CFAP47: variants seen among roughly 807,000 people sequenced by gnomAD.
CFAP47 encodes the protein cilia and flagella associated protein 47, also known as cilia- and flagella-associated protein 47.
CFAP47 carries 29 observed loss-of-function variants against 148.1 expected under a neutral mutation model. The ratio of observed to expected loss-of-function variants is 0.20; its 90% CI spans 0.15 to 0.27. The LOEUF (loss-of-function observed/expected upper bound fraction) is 0.27. Among genes scored for constraint, CFAP47 ranks in the 10% least tolerant of loss-of-function variants. The probability of loss-of-function intolerance (pLI) is 1.00; values close to 1 mark genes in which losing one functional copy is unlikely to be tolerated. For missense variants in CFAP47, 1,872 were observed against 1,697.5 expected (o/e 1.10, Z -1.81); for synonymous variants, 664 against 577.3 (o/e 1.15, Z -2.15).
chrX:35,958,546 G>A (rs1206611451), intron 8 of CFAP47, among the ~76,000 whole-genome samples: 2 of 111,603 alleles, frequency 1.8e-5, no homozygotes, highest in Admixed American at 1.9e-4. Context: ...ACTTGTTAAT[G>A]TACTTCTTTT....
At chrX:36,168,286 A>G (rs1939517928) in intron 39 of CFAP47, among the ~76,000 whole-genome samples, 1 of 111,733 alleles carries the variant, frequency 8.9e-6, no homozygotes, top group South Asian at 3.7e-4. Flanking sequence ...GTTTTTTAAT[A>G]GTTATTTTGT....
At chrX:36,231,196 T>C (rs1371726879) in intron 46 of CFAP47, among the ~76,000 whole-genome samples, 1 of 111,388 alleles carries the variant, frequency 9.0e-6, no homozygotes, top group Non-Finnish European at 1.9e-5. Context: ...TATAAATTAC[T>C]TTGGGCAGTA....
rs908883401 is a variant in CFAP47 at position 35,991,827 on chromosome X, C to T, written c.2851C>T (p.Arg951Cys). ...LKLKCVAHLG[R>C]TKVLLLQPRI... ...TTCCTCCTCTCGTTATTAGCTTGGTCGCACCAAGGTTTTACTTTTGCAGCC... is the reference window on the plus strand; with the variant it reads ...TTCCTCCTCTCGTTATTAGCTTGGTTGCACCAAGGTTTTACTTTTGCAGCC... Residue 951 changes from arginine to cysteine, a missense_variant, in exon 17 of 64, where the codon CGC becomes TGC. Coordinates refer to ENST00000378653, the MANE Select transcript of CFAP47 (RefSeq NM_001304548.2). 35 of 293,856 alleles carry T rather than the reference C, an allele frequency of 1.2e-4. No homozygotes were observed. The highest frequency in any genetic ancestry group is 8.3e-4 in the African/African-American group (30 of 36,294). The allele number at this position is 293,856 out of a possible 1,213,427, so 24.2% of individuals were successfully genotyped here. A position where few individuals can be genotyped will look rare whatever the true frequency, so the allele number is the denominator to read the frequency against.
chrX:36,093,809 A>G (rs1195442178), intron 30 of CFAP47, among the ~76,000 whole-genome samples: 1 of 111,379 alleles, frequency 9.0e-6, no homozygotes, highest in Admixed American at 9.6e-5. Flanking sequence ...ACAGATGGGT[A>G]GTATGCAAAT....
chrX:36,309,168 G>C (rs1193282068), intron 55 of CFAP47, among the ~76,000 whole-genome samples: 2 of 110,626 alleles, frequency 1.8e-5, no homozygotes, highest in Admixed American at 9.7e-5. Flanking sequence ...TTTTCAGATA[G>C]GTGCCTTGTT....
chrX:36,095,555 T>C (rs779235364), intron 30 of CFAP47, among the ~76,000 whole-genome samples: 1 of 111,197 alleles, frequency 9.0e-6, no homozygotes, highest in East Asian at 2.8e-4. Flanking sequence ...GTTGTGGTCT[T>C]GTTATTTGTT....
chrX:35,989,376 G>A lies in CFAP47; in HGVS notation c.2771G>A (p.Ser924Asn). The change falls in exon 16 of 64, where the codon AGT becomes AAT. Residue 924 changes from serine to asparagine, a missense_variant. Transcript: ENST00000378653. ...ECEVTWQQGF[S>N]SPEEGEFILH... ...GAAGTAACTTGGCAGCAGGGCTTCA[G>A]TTCTCCAGAAGAAGGAGAATTTATT... 8.3e-7 allele frequency: 1 copy of A among 1,210,659 alleles called. No homozygotes were observed. The highest frequency in any genetic ancestry group is 3.0e-5 in the East Asian group (1 of 33,809).
chrX:36,046,747 TTTC>T (rs1294641149), intron 25 of CFAP47, 104 bp from the exon 26 acceptor site: 39 of 482,061 alleles, frequency 8.1e-5, no homozygotes, highest in Admixed American at 1.3e-4. Context: ...ATTACAAATA[TTTC>T]TTATTTTAAT....
chrX:36,078,632 C>T (rs1937913232), intron 29 of CFAP47, among the ~76,000 whole-genome samples: 2 of 111,106 alleles, frequency 1.8e-5, no homozygotes, highest in African/African-American at 6.6e-5. Context: ...GAATACAGCA[C>T]ACTGATGGGT....
rs1164590107 is a variant in CFAP47, at chrX:36,043,889, C to T, written c.4008-2965C>T. Among the ~76,000 whole-genome samples, 8 of 112,935 alleles carry T rather than the reference C, an allele frequency of 7.1e-5. No homozygotes were observed. The East Asian group carries it at 2.0e-3, about 28-fold the overall frequency. ...CTCTAGCAGAGGTTCTCCATGAGGA[C>T]TCTGCCCCTGTAGCAGACTTTGGCC... On this transcript the variant is annotated intron_variant, in intron 25 of 63. Coordinates refer to ENST00000378653, the MANE Select transcript of CFAP47 (RefSeq NM_001304548.2).
At chrX:36,309,994 T>C (rs1388419163) in intron 55 of CFAP47, among the ~76,000 whole-genome samples, 4 of 110,746 alleles carry the variant, frequency 3.6e-5, no homozygotes, top group African/African-American at 1.3e-4. Flanking sequence ...CTACTTCTCC[T>C]TATTTGAAGT....
At chrX:36,309,973 G>A (rs1941380086) in intron 55 of CFAP47, among the ~76,000 whole-genome samples, 1 of 110,582 alleles carries the variant, frequency 9.0e-6, no homozygotes, top group South Asian at 3.7e-4. Flanking sequence ...ATTTTTATGA[G>A]TTTTCTTTCA....
At chrX:36,064,180 T>A (rs1475704673) in intron 26 of CFAP47, among the ~76,000 whole-genome samples, 1 of 112,606 alleles carries the variant, frequency 8.9e-6, no homozygotes, top group Non-Finnish European at 1.9e-5. Flanking sequence ...TAATGAAATT[T>A]TGATTGATCA....
chrX:36,356,578 C>T (rs1941787715), intron 60 of CFAP47, among the ~76,000 whole-genome samples: 1 of 110,787 alleles, frequency 9.0e-6, no homozygotes, highest in African/African-American at 3.3e-5. Flanking sequence ...CCTTTGACAC[C>T]TTTTTCTTTA....
intron 57 of CFAP47, among the ~76,000 whole-genome samples, chrX:36,338,221 A>T (rs1035114191): frequency 1.4e-4 from 15 of 108,207 alleles, no homozygotes; most frequent in Admixed American, 2.0e-4. Flanking sequence ...TATTCTTATC[A>T]GCATACCCAT....
intron 9 of CFAP47, among the ~76,000 whole-genome samples, chrX:35,967,342 G>A (rs1394680820): frequency 2.7e-5 from 3 of 110,221 alleles, no homozygotes; most frequent in Non-Finnish European, 5.7e-5. Context: ...CAACTGTTTT[G>A]GACCAACAAA....
At chrX:36,284,105 A>C (rs1941107832) in intron 50 of CFAP47, among the ~76,000 whole-genome samples, 1 of 112,038 alleles carries the variant, frequency 8.9e-6, no homozygotes. Flanking sequence ...TAAATGTCAT[A>C]AAAGCACTTA....
At chrX:36,208,722 T>C (rs782059934) in intron 45 of CFAP47, among the ~76,000 whole-genome samples, 123 of 111,693 alleles carry the variant, frequency 1.1e-3, no homozygotes, top group Non-Finnish European at 2.0e-3. Flanking sequence ...TCCCAGCACT[T>C]TGGGAGGCCG....
intron 45 of CFAP47, among the ~76,000 whole-genome samples, chrX:36,225,200 T>C (rs1555991330): frequency 8.9e-6 from 1 of 112,061 alleles, no homozygotes; most frequent in African/African-American, 3.2e-5. Context: ...TAACATTTGT[T>C]ATGCCCAAGT....
Sources: allele counts gnomAD v4.1 joint callset (sites outside exome capture counted in the v4.1 genomes callset), GRCh38; gene constraint gnomAD v4.1.1; transcripts MANE v1.5; gene names NCBI Gene and HGNC (gene_info 2026-07-23, HGNC 2026-07-21).